Variants in ABCD2 observed in about 807,000 individuals in gnomAD.
ABCD2 encodes the protein ATP-binding cassette sub-family D member 2.
A neutral mutation model predicts 70.9 loss-of-function variants in ABCD2; 36 were observed. That is an observed-to-expected ratio of 0.51 (90% CI 0.39 to 0.67). The LOEUF (loss-of-function observed/expected upper bound fraction) is 0.67, where lower values mean the gene tolerates loss of function less well. Ranked by LOEUF, ABCD2 falls within the 30% of genes least tolerant of loss-of-function variation. The pLI, the probability that ABCD2 is intolerant of heterozygous loss-of-function variation, is 0.00. For synonymous variants in ABCD2, 304 were observed against 306.9 expected, an observed-to-expected ratio of 0.99 and a Z score of 0.10; for missense variants, 729 against 890.2, an observed-to-expected ratio of 0.82 and a Z score of 2.30.
intron 3 of ABCD2, 26 bp from the exon 4 acceptor site, chr12:39,604,956 T>G (rs1941950276): frequency 6.6e-7 from 1 of 1,524,422 alleles, no homozygotes; most frequent in African/African-American, 1.4e-5. Context: ...AGATATAAAA[T>G]AGAGTTACTA....
chr12:39,601,669 G>C (rs1369817077), intron 5 of ABCD2, among the ~76,000 whole-genome samples: 3 of 151,976 alleles, frequency 2.0e-5, no homozygotes, highest in Non-Finnish European at 4.4e-5. Flanking sequence ...GAAATTTACA[G>C]GATGTCTGTA....
intron 9 of ABCD2, among the ~76,000 whole-genome samples, chr12:39,555,369 A>T (rs551571020): frequency 7.2e-5 from 11 of 152,340 alleles, no homozygotes; most frequent in African/African-American, 2.2e-4. Context: ...ATGGTGGAAT[A>T]GGACTCTACA....
In ABCD2 at chr12:39,551,955, C is replaced by T. The variant is rs940596375; in HGVS notation, c.*1957G>A. ...GTTAACTTAAAACACTTGCCTCAGA[C>T]TTTTGCCCTTGTAGCAGTATAAACT... On this transcript the variant is annotated 3_prime_UTR_variant, in exon 10 of 10. Transcript: ENST00000308666. 7 of 151,708 alleles carry T rather than the reference C, an allele frequency of 4.6e-5. No homozygotes were observed. The highest frequency in any genetic ancestry group is 1.7e-4 in the African/African-American group (7 of 41,370). The allele number at this position is 151,708 out of a possible 1,614,324, so 9.4% of individuals were successfully genotyped here.
intron 9 of ABCD2, among the ~76,000 whole-genome samples, chr12:39,565,022 T>A (rs917190101): frequency 6.6e-6 from 1 of 152,106 alleles, no homozygotes; most frequent in Admixed American, 6.6e-5. Flanking sequence ...TGCTGTTTTG[T>A]TTACTGTAGC....
chr12:39,581,635 G>A (rs187489876), intron 7 of ABCD2, among the ~76,000 whole-genome samples: 1 of 152,316 alleles, frequency 6.6e-6, no homozygotes, highest in Non-Finnish European at 1.5e-5. Flanking sequence ...TTACTATGCA[G>A]TGGAGAAATA....
At chr12:39,585,220 G>A (rs1371586906) in intron 7 of ABCD2, among the ~76,000 whole-genome samples, 1 of 152,092 alleles carries the variant, frequency 6.6e-6, no homozygotes, top group Non-Finnish European at 1.5e-5. Flanking sequence ...TCCCATTGTA[G>A]AGATCTTTCA....
chr12:39,540,068 T>C, the ABCD2 span, among the ~76,000 whole-genome samples: 1 of 152,208 alleles, frequency 6.6e-6, no homozygotes, highest in South Asian at 2.1e-4. Flanking sequence ...ACAGTTGGTC[T>C]GTCAGACCAC....
downstream of ABCD2, among the ~76,000 whole-genome samples, chr12:39,548,822 G>A (rs1411649688): frequency 6.6e-6 from 1 of 151,702 alleles, no homozygotes; most frequent in Non-Finnish European, 1.5e-5. Flanking sequence ...TACATAATCT[G>A]TTTTTAGGTA....
Position 39,617,168 on chromosome 12 carries a change from C to T in ABCD2, c.940G>A (p.Val314Ile). 1 of 1,563,642 alleles carries T rather than the reference C, an allele frequency of 6.4e-7. No homozygotes were observed. ...CTTTTCTGAAGTTGTTTCATTTCTA[C>T]CTATAGAGAGGAAAAAGAGTTGAGG... is the stretch of plus-strand genomic sequence containing the variant. ...EEIAFYRGHK[V>I]EMKQLQKSYK... The change falls in exon 2 of 10, where the codon GTA becomes ATA. Residue 314 changes from valine (V) to isoleucine (I), a missense_variant and splice_region_variant. By Grantham distance (29) the Val-to-Ile change is conservative. This residue lies in a region of ABCD2 where 195 missense variants were observed against 300.2 expected (regional missense o/e 0.65). Transcript: ENST00000308666.
chr12:39,563,207 T>TACTG (rs1426796841), intron 9 of ABCD2, among the ~76,000 whole-genome samples: 1 of 152,100 alleles, frequency 6.6e-6, no homozygotes, highest in Non-Finnish European at 1.5e-5. Flanking sequence ...CTAACATCTA[T>TACTG]ACTGAAAAGG....
chr12:39,555,414 C>G (rs1463833649), intron 9 of ABCD2, among the ~76,000 whole-genome samples: 1 of 152,124 alleles, frequency 6.6e-6, no homozygotes, highest in African/African-American at 2.4e-5. Flanking sequence ...ATCAAAATTA[C>G]CTACACACAA....
At chr12:39,565,771 T>C (rs1055482317) in intron 9 of ABCD2, among the ~76,000 whole-genome samples, 3 of 152,218 alleles carry the variant, frequency 2.0e-5, no homozygotes, top group African/African-American at 4.8e-5. Flanking sequence ...GGGTTTGTCA[T>C]AGATAGCTCT....
At chr12:39,581,999 A>G (rs1180940724) in intron 7 of ABCD2, among the ~76,000 whole-genome samples, 1 of 152,164 alleles carries the variant, frequency 6.6e-6, no homozygotes, top group Non-Finnish European at 1.5e-5. Context: ...TGTAGTTTTT[A>G]ATTCCATTTT....
At chr12:39,588,659 C>T (rs1302614292) in intron 6 of ABCD2, among the ~76,000 whole-genome samples, 2 of 151,920 alleles carry the variant, frequency 1.3e-5, no homozygotes, top group Non-Finnish European at 2.9e-5. Flanking sequence ...TAATTTGTAG[C>T]CCTTAGAAAC....
At chr12:39,596,373 A>G (rs576030268) in intron 6 of ABCD2, among the ~76,000 whole-genome samples, 1 of 152,340 alleles carries the variant, frequency 6.6e-6, no homozygotes, top group East Asian at 1.9e-4. Flanking sequence ...AATGATACAT[A>G]AACATCATAA....
chr12:39,609,740 C>T lies in ABCD2; in HGVS notation c.1121-2026G>A, dbSNP rs74088766. Among the ~76,000 whole-genome samples the T allele has an allele frequency of 2.4e-3, 371 of 152,268 alleles. 3 individuals are homozygous for T. The highest frequency in any genetic ancestry group is 8.4e-3 in the African/African-American group (351 of 41,552). Reference sequence around the variant, plus strand: ...TTTCAGTGCAAATATATACTTTATGCCTTGCTGTAATTACCAGATATTTTT... The same window carrying T: ...TTTCAGTGCAAATATATACTTTATGTCTTGCTGTAATTACCAGATATTTTT... On this transcript the variant is annotated intron_variant, in intron 2 of 9. Coordinates refer to ENST00000308666, the MANE Select transcript of ABCD2 (RefSeq NM_005164.4).
At chr12:39,544,446 G>T in the ABCD2 span, among the ~76,000 whole-genome samples, 5 of 152,280 alleles carry the variant, frequency 3.3e-5, no homozygotes, top group African/African-American at 1.2e-4. Flanking sequence ...CAGGCAAGAA[G>T]GAGGTCTGCT....
Position 39,603,944 on chromosome 12 carries a change from C to T in ABCD2, c.1468G>A (p.Gly490Arg), listed in dbSNP as rs758165290. ...CENVPIITPA[G>R]EVVASRLNFK... ...TTTAGCCTGGAAGCCACCACTTCTC[C>T]TGCTGGTGTAATTATGGGAACATTT... The change falls in exon 5 of 10, where the codon GGA becomes AGA. Residue 490 changes from glycine (G) to arginine (R), a missense_variant. By Grantham distance (125) the Gly-to-Arg change is moderately radical. Around this residue, in one of 3 missense-constraint regions of ABCD2, gnomAD observed 289 missense variants for 328.8 expected, o/e 0.88. Transcript: ENST00000308666. 3 of 1,612,762 alleles carry T rather than the reference C, an allele frequency of 1.9e-6. No homozygotes were observed. Among genetic ancestry groups the T allele is most frequent in the Non-Finnish European group, 2.5e-6 (3 of 1,179,200 alleles).
intron 7 of ABCD2, among the ~76,000 whole-genome samples, chr12:39,582,834 A>G (rs930745344): frequency 4.6e-5 from 7 of 152,134 alleles, no homozygotes; most frequent in Non-Finnish European, 1.0e-4. Flanking sequence ...CAATATTACA[A>G]CTACTAATAT....
Sources: gnomAD v4.1 joint callset for allele counts (sites outside exome capture counted in the v4.1 genomes callset) on GRCh38, gnomAD v4.1.1 for gene constraint, gnomAD v4.1.1 regional missense constraint, MANE v1.5 for transcripts, NCBI Gene and HGNC (gene_info 2026-07-23, HGNC 2026-07-21) for gene names.